XKR4: variants seen among roughly 807,000 people sequenced by gnomAD.
XKR4 encodes the protein XK-related protein 4.
XKR4 carries 12 observed loss-of-function variants against 53.9 expected under a neutral mutation model. That is an observed-to-expected ratio of 0.22 (90% confidence interval 0.14 to 0.36). The LOEUF (loss-of-function observed/expected upper bound fraction) is 0.36, where lower values mean the gene tolerates loss of function less well. XKR4 is among the 10% of genes least tolerant of loss of function. The probability of loss-of-function intolerance (pLI) is 1.00; values close to 1 mark genes in which losing one functional copy is unlikely to be tolerated. For missense variants in XKR4, 799 were observed against 859.5 expected, an observed-to-expected ratio of 0.93 and a Z score of 0.88; for synonymous variants, 354 against 362.4, an observed-to-expected ratio of 0.98 and a Z score of 0.26.
chr8:55,461,285 G>A (rs759842290), intron 2 of XKR4, among the ~76,000 whole-genome samples: 3 of 152,196 alleles, frequency 2.0e-5, no homozygotes, highest in African/African-American at 7.2e-5. Context: ...ACTTCCAGAG[G>A]AACGATCAGG....
At chr8:55,470,299 T>C (rs1334725171) in intron 2 of XKR4, among the ~76,000 whole-genome samples, 3 of 152,096 alleles carry the variant, frequency 2.0e-5, no homozygotes, top group Non-Finnish European at 2.9e-5. Context: ...CCAAATCTCA[T>C]CTTTAATTGT....
chr8:55,266,392 A>G (rs1179876326), intron 1 of XKR4, among the ~76,000 whole-genome samples: 1 of 152,036 alleles, frequency 6.6e-6, no homozygotes, highest in East Asian at 1.9e-4. Flanking sequence ...ATGGCACCCC[A>G]TGGGTTTGAC....
At chr8:55,429,377 T>G (rs1236915117) in intron 2 of XKR4, among the ~76,000 whole-genome samples, 1 of 152,048 alleles carries the variant, frequency 6.6e-6, no homozygotes, top group Non-Finnish European at 1.5e-5. Flanking sequence ...AGTTTTAAAC[T>G]TCATAGCAAA....
At chr8:55,297,838 T>A (rs1337175506) in intron 1 of XKR4, among the ~76,000 whole-genome samples, 1 of 152,204 alleles carries the variant, frequency 6.6e-6, no homozygotes. Flanking sequence ...TATTCATTGT[T>A]AAAGCACCTA....
intron 2 of XKR4, among the ~76,000 whole-genome samples, chr8:55,361,106 C>CAGCT (rs1803896964): frequency 6.6e-6 from 1 of 152,180 alleles, no homozygotes; most frequent in South Asian, 2.1e-4. Context: ...GTCCCAGAGC[C>CAGCT]AGCTCCCCGC....
intron 1 of XKR4, among the ~76,000 whole-genome samples, chr8:55,354,633 T>G (rs565334589): frequency 1.3e-4 from 20 of 151,582 alleles, no homozygotes; most frequent in African/African-American, 4.6e-4. Context: ...TTTTAAAACT[T>G]AGCAACAAGA....
chr8:55,249,950 T>C (rs1226854108), intron 1 of XKR4, among the ~76,000 whole-genome samples: 1 of 152,232 alleles, frequency 6.6e-6, no homozygotes, highest in Non-Finnish European at 1.5e-5. Context: ...AGGAAACTAC[T>C]TACTTATTTT....
chr8:55,428,702 T>C (rs1308374970), intron 2 of XKR4, among the ~76,000 whole-genome samples: 1 of 152,186 alleles, frequency 6.6e-6, no homozygotes, highest in Non-Finnish European at 1.5e-5. Flanking sequence ...GCCCCCCTAC[T>C]TCAGTGTAGA....
intron 1 of XKR4, among the ~76,000 whole-genome samples, chr8:55,300,992 T>G (rs1819185502): frequency 6.6e-6 from 1 of 152,138 alleles, no homozygotes; most frequent in South Asian, 2.1e-4. Context: ...TATTTTTTTA[T>G]TTATTTTTTA....
At chr8:55,454,212 G>T in intron 2 of XKR4, 1 of 1,066,730 alleles carries the variant, frequency 9.4e-7, no homozygotes, top group Admixed American at 1.7e-5. Context: ...GGTGGAATGT[G>T]CACACACTCA....
rs74610422 is a variant in XKR4 at position 55,447,711 on chromosome 8, A to C, written c.1007-75570A>C. 6.9e-3 allele frequency among the ~76,000 whole-genome samples: 1,051 copies of C among 152,336 alleles called. 15 individuals are homozygous for C. The highest frequency in any genetic ancestry group is 7.3e-3 in the Non-Finnish European group (497 of 68,034). ...AGCAGTTCTGTTAAAGATTGCAATA[A>C]AATTCAGGCAAGACATTTTTTCTTG... On this transcript the variant is annotated intron_variant, in intron 2 of 2. Transcript: ENST00000327381.
At chr8:55,190,350 C>A (rs1164157909) in intron 1 of XKR4, among the ~76,000 whole-genome samples, 1 of 152,160 alleles carries the variant, frequency 6.6e-6, no homozygotes, top group East Asian at 1.9e-4. Flanking sequence ...CAATTCCTTG[C>A]CAGTGGTCAT....
At chr8:55,466,341 T>C (rs925909097) in intron 2 of XKR4, among the ~76,000 whole-genome samples, 1 of 152,024 alleles carries the variant, frequency 6.6e-6, no homozygotes, top group Non-Finnish European at 1.5e-5. Flanking sequence ...TGTAGGGACA[T>C]GGATGAAGCT....
intron 1 of XKR4, among the ~76,000 whole-genome samples, chr8:55,345,486 A>G (rs1296924124): frequency 6.6e-6 from 1 of 152,174 alleles, no homozygotes; most frequent in East Asian, 1.9e-4. Flanking sequence ...CTATCTAGGA[A>G]GGAGATGGAG....
At chr8:55,156,518 T>A (rs1816908971) in intron 1 of XKR4, among the ~76,000 whole-genome samples, 1 of 152,102 alleles carries the variant, frequency 6.6e-6, no homozygotes, top group Admixed American at 6.6e-5. Flanking sequence ...ATTCTGTAAC[T>A]GTGTCTAAGT....
chr8:55,210,025 G>A (rs1364247551), intron 1 of XKR4, among the ~76,000 whole-genome samples: 2 of 151,736 alleles, frequency 1.3e-5, no homozygotes, highest in Non-Finnish European at 2.9e-5. Context: ...ACTCATATTG[G>A]TGTCCAGGCC....
intron 1 of XKR4, among the ~76,000 whole-genome samples, chr8:55,289,650 G>GAAAGAAAGA (rs1563316470): frequency 1.1e-3 from 77 of 70,050 alleles, no homozygotes; most frequent in South Asian, 1.9e-3. Flanking sequence ...AGAAAGAAAG[G>GAAAGAAAGA]AAGGAAGGAA....
chr8:55,438,135 A>T (rs1805204856), intron 2 of XKR4, among the ~76,000 whole-genome samples: 1 of 152,050 alleles, frequency 6.6e-6, no homozygotes, highest in Admixed American at 6.6e-5. Flanking sequence ...GGCTCTAGGA[A>T]CACATTACCA....
intron 1 of XKR4, among the ~76,000 whole-genome samples, chr8:55,148,560 T>A (rs923866990): frequency 1.3e-5 from 2 of 152,180 alleles, no homozygotes; most frequent in Non-Finnish European, 2.9e-5. Flanking sequence ...AGTTATCGGG[T>A]CAAATAATGT....
Sources: gnomAD v4.1 joint callset for allele counts (sites outside exome capture counted in the v4.1 genomes callset) on GRCh38, gnomAD v4.1.1 for gene constraint, MANE v1.5 for transcripts, NCBI Gene and HGNC (gene_info 2026-07-23, HGNC 2026-07-21) for gene names.